The following RGS3 variants were observed in gnomAD, a reference collection of about 807,000 sequenced individuals.
The protein encoded by RGS3 is regulator of G protein signaling 3.
A neutral mutation model predicts 132.6 loss-of-function variants in RGS3; 80 were observed. The observed-to-expected ratio is 0.60, with a 90% CI of 0.50 to 0.73. RGS3 has a LOEUF of 0.73. Ranked by LOEUF, RGS3 falls within the 30% of genes least tolerant of loss-of-function variation. The pLI is 0.00. For synonymous variants in RGS3, 598 were observed against 620.6 expected, an observed-to-expected ratio of 0.96 and a Z score of 0.54; for missense variants, 1,382 against 1,530.8, an observed-to-expected ratio of 0.90 and a Z score of 1.62.
chr9:113,553,685 A>G (rs1833453434), intron 19 of RGS3, among the ~76,000 whole-genome samples: 1 of 151,588 alleles, frequency 6.6e-6, no homozygotes, highest in Non-Finnish European at 1.5e-5. Flanking sequence ...CTACTAAAAA[A>G]TACAAAAATT....
rs1194596436 is a variant in RGS3, at chr9:113,487,689, T to G, written c.689+1996T>G. Among the ~76,000 whole-genome samples, 4 of 152,232 alleles carry G rather than the reference T, an allele frequency of 2.6e-5. No homozygotes were observed. The East Asian group carries it at 7.7e-4, about 29-fold the overall frequency. On this transcript the variant is annotated intron_variant, in intron 7 of 24. Coordinates refer to ENST00000350696, the Ensembl canonical transcript of RGS3. Reference sequence around the variant, plus strand: ...GTGGAGTGAGGAGGGATCTGCAAACTCATTGACGTTGCTGGAAGGTTAAGT... The same window carrying G: ...GTGGAGTGAGGAGGGATCTGCAAACGCATTGACGTTGCTGGAAGGTTAAGT...
At chr9:113,529,755 A>G (rs1236639150) in intron 18 of RGS3, among the ~76,000 whole-genome samples, 1 of 152,180 alleles carries the variant, frequency 6.6e-6, no homozygotes, top group Non-Finnish European at 1.5e-5. Context: ...TACAGGCTAA[A>G]ACAAACATCC....
intron 19 of RGS3, among the ~76,000 whole-genome samples, chr9:113,572,478 T>C (rs1286162393): frequency 6.6e-6 from 1 of 152,070 alleles, no homozygotes; most frequent in Non-Finnish European, 1.5e-5. Context: ...CATGTCCACA[T>C]GTCCACTCCA....
In RGS3 at chr9:113,579,191, G is replaced by C. The variant is rs1230127524; in HGVS notation, c.2038-4259G>C. 1.3e-5 allele frequency among the ~76,000 whole-genome samples: 2 copies of C among 152,174 alleles called. No individual in the cohort carries two copies. The highest frequency in any genetic ancestry group is 2.9e-5 in the Non-Finnish European group (2 of 68,036). On this transcript the variant is annotated intron_variant, in intron 19 of 24. Transcript: ENST00000350696. This position sits in a 1 kb window ranked among gnomAD's most constrained non-coding sequence, Gnocchi z 4.3. ...AGGTTGTCCCTGGGTCAGCAAACCT[G>C]GCTGCTCAGTGAGTAGCTGTGTGAT... is the stretch of plus-strand genomic sequence containing the variant.
chr9:113,459,753 A>G (rs1460556785), upstream of RGS3, among the ~76,000 whole-genome samples: 2 of 151,958 alleles, frequency 1.3e-5, no homozygotes, highest in African/African-American at 4.8e-5. Context: ...AATAAAAAAA[A>G]AGAGGCCGGG....
chr9:113,593,482 C>G (rs907969903), intron 21 of RGS3: 1 of 157,346 alleles, frequency 6.4e-6, no homozygotes, highest in Non-Finnish European at 1.4e-5. Flanking sequence ...ACCATGCACA[C>G]AACATTAAAT....
chr9:113,560,791 A>G (rs1833752153), intron 19 of RGS3, among the ~76,000 whole-genome samples: 2 of 152,166 alleles, frequency 1.3e-5, no homozygotes, highest in African/African-American at 2.4e-5. Flanking sequence ...CCATATACAG[A>G]CACTTCCATA....
intron 1 of RGS3, among the ~76,000 whole-genome samples, chr9:113,453,843 CTTTT>C (rs941302971): frequency 2.7e-5 from 4 of 150,338 alleles, no homozygotes; most frequent in African/African-American, 7.3e-5. Flanking sequence ...TTCACATACT[CTTTT>C]TTTATTTTTA....
chr9:113,555,205 A>G, intron 19 of RGS3, among the ~76,000 whole-genome samples: 1 of 152,216 alleles, frequency 6.6e-6, no homozygotes, highest in East Asian at 1.9e-4. Flanking sequence ...AATATGGTTT[A>G]GTAGTAAACA....
chr9:113,498,104 T>C lies in RGS3; in HGVS notation c.897+24T>C, dbSNP rs372761364. The stretch of plus-strand genomic sequence containing the variant: ...AGGTAGGTGGGGACAAGCTAGGGCA[T>C]TGCTCCAGGAGCTGGATCTGCTCCT... On this transcript the variant is annotated intron_variant, in intron 10 of 24. Transcript: ENST00000350696. The C allele has an allele frequency of 1.9e-6, 3 of 1,611,000 alleles. No individual in the cohort carries two copies. In the African/African-American group the frequency reaches 4.0e-5, roughly 22 times the overall value.
chr9:113,455,522 C>CT, upstream of RGS3, among the ~76,000 whole-genome samples: 1 of 152,192 alleles, frequency 6.6e-6, no homozygotes, highest in Non-Finnish European at 1.5e-5. Flanking sequence ...TTGGACTCAA[C>CT]TTACTAGTTC....
chr9:113,571,686 G>C (rs918657743), intron 19 of RGS3, among the ~76,000 whole-genome samples: 3 of 152,074 alleles, frequency 2.0e-5, no homozygotes, highest in Non-Finnish European at 4.4e-5. Flanking sequence ...TCTCTTAAGG[G>C]TATATTTGAA....
intron 19 of RGS3, among the ~76,000 whole-genome samples, chr9:113,567,556 A>T (rs1834068533): frequency 1.3e-5 from 2 of 152,158 alleles, no homozygotes; most frequent in African/African-American, 4.8e-5. Flanking sequence ...CCTTTAGGAG[A>T]GGCCTAGGCT....
intron 19 of RGS3, among the ~76,000 whole-genome samples, chr9:113,557,665 T>C (rs1833621777): frequency 6.6e-6 from 1 of 152,222 alleles, no homozygotes; most frequent in South Asian, 2.1e-4. Context: ...CAGTCTAATG[T>C]GGGGTCCAGT....
At chr9:113,544,931 G>A (rs1436141058) in intron 19 of RGS3, among the ~76,000 whole-genome samples, 3 of 152,192 alleles carry the variant, frequency 2.0e-5, no homozygotes, top group African/African-American at 7.2e-5. Flanking sequence ...GCTGTAGAGG[G>A]AATGCTTTTA....
At chr9:113,528,861 G>T (rs1292372150) in intron 17 of RGS3, among the ~76,000 whole-genome samples, 1 of 152,218 alleles carries the variant, frequency 6.6e-6, no homozygotes, top group African/African-American at 2.4e-5. Flanking sequence ...GATGTGTGCT[G>T]CCTCCAGGTC....
chr9:113,580,816 CT>C, intron 19 of RGS3: 1 of 985,778 alleles, frequency 1.0e-6, no homozygotes, highest in Non-Finnish European at 1.2e-6. Context: ...TGTTGCTGCA[CT>C]TTCCCCAAGG....
chr9:113,576,620 G>A (rs944693855), intron 19 of RGS3, among the ~76,000 whole-genome samples: 3 of 152,108 alleles, frequency 2.0e-5, no homozygotes, highest in Admixed American at 6.5e-5. Context: ...GTGAGCCACC[G>A]CACCCAGCGA....
In RGS3 at chr9:113,508,532, C is replaced by G. The variant is rs563074129; in HGVS notation, c.1438-9C>G. 7 of 1,612,684 alleles carry G rather than the reference C, an allele frequency of 4.3e-6. No individual in the cohort carries two copies. The highest frequency in any genetic ancestry group is 1.7e-5 in the Admixed American group (1 of 60,018). ...GGGCTGAGGTGGTTTTCCTGTCTTT[C>G]CCTTGCAGCTGCTCCGGCCTGTGTA... On this transcript the variant is annotated splice_polypyrimidine_tract_variant and intron_variant, in intron 13 of 24. Transcript: ENST00000350696.
Sources: gnomAD v4.1 joint callset for allele counts (sites outside exome capture counted in the v4.1 genomes callset) on GRCh38, gnomAD v4.1.1 for gene constraint, Gnocchi (gnomAD v3.1) non-coding constraint, MANE v1.5 for transcripts, NCBI Gene and HGNC (gene_info 2026-07-23, HGNC 2026-07-21) for gene names.